SLC35D1: variants seen among roughly 807,000 people sequenced by gnomAD.
SLC35D1 encodes the protein nucleotide sugar transporter SLC35D1.
Under a neutral mutation model 46.7 loss-of-function variants are expected in SLC35D1, and 31 were observed. The observed-to-expected ratio is 0.66, with a 90% CI of 0.50 to 0.90. The LOEUF is 0.90. SLC35D1 is among the 40% of genes least tolerant of loss of function. The pLI is 0.00. For synonymous variants in SLC35D1, 195 were observed against 164.6 expected (o/e 1.18, Z -1.41); for missense variants, 397 against 426.2 (o/e 0.93, Z 0.60).
At chr1:67,014,176 C>T (rs1234319594) in intron 10 of SLC35D1, among the ~76,000 whole-genome samples, 8 of 152,058 alleles carry the variant, frequency 5.3e-5, no homozygotes, top group South Asian at 2.1e-4. Context: ...AAAATTAGTC[C>T]CCTTATAAAA....
chr1:66,985,008 T>C, the SLC35D1 span: 19 of 1,425,380 alleles, frequency 1.3e-5, no homozygotes, highest in Admixed American at 1.6e-4. Flanking sequence ...GTTTGAAAAT[T>C]TGAATTGAGT....
intron 7 of SLC35D1, among the ~76,000 whole-genome samples, chr1:67,046,107 G>C (rs988367900): frequency 2.6e-5 from 4 of 151,790 alleles, no homozygotes; most frequent in African/African-American, 4.8e-5. Context: ...AAATGGATTG[G>C]AAACAAATCA....
chr1:66,982,246 A>C, the SLC35D1 span, among the ~76,000 whole-genome samples: 1 of 152,216 alleles, frequency 6.6e-6, no homozygotes, highest in African/African-American at 2.4e-5. Context: ...CTCTTAGGTC[A>C]AAACCCTGCA....
the SLC35D1 span, among the ~76,000 whole-genome samples, chr1:66,994,016 C>A: frequency 1.8e-4 from 27 of 150,364 alleles, no homozygotes; most frequent in East Asian, 5.2e-3. Context: ...TACTGGCTTA[C>A]CTAAAATGCA....
chr1:67,049,949 A>C, intron 5 of SLC35D1, 99 bp from the exon 6 acceptor site: 11 of 861,680 alleles, frequency 1.3e-5, no homozygotes. Context: ...AAAAGCTATA[A>C]ACAATCGTAT....
the SLC35D1 span, among the ~76,000 whole-genome samples, chr1:66,976,313 A>T: frequency 6.6e-6 from 1 of 152,168 alleles, no homozygotes. Flanking sequence ...ACTTCCAAGC[A>T]TTTTTAATAC....
intron 5 of SLC35D1, 106 bp from the exon 6 acceptor site, chr1:67,049,956 G>A (rs1008736410): frequency 2.5e-5 from 21 of 827,238 alleles, no homozygotes; most frequent in Non-Finnish European, 3.2e-5. Flanking sequence ...ATAAACAATC[G>A]TATTTTAAAC....
chr1:67,050,642 T>C, intron 4 of SLC35D1, 138 bp from the exon 5 acceptor site: 1 of 722,824 alleles, frequency 1.4e-6, no homozygotes, highest in Non-Finnish European at 2.4e-6. Context: ...GTTAAACCCC[T>C]GCTTCTCTCT....
intron 7 of SLC35D1, among the ~76,000 whole-genome samples, chr1:67,046,184 G>T (rs957854192): frequency 1.3e-5 from 2 of 152,034 alleles, no homozygotes; most frequent in African/African-American, 4.8e-5. Context: ...TAAACTATCT[G>T]CAAAATAATG....
the SLC35D1 span, among the ~76,000 whole-genome samples, chr1:66,981,434 C>A: frequency 6.6e-6 from 1 of 152,074 alleles, no homozygotes; most frequent in Non-Finnish European, 1.5e-5. Context: ...TACAGAAATT[C>A]TTTTGTACTT....
chr1:67,053,187 C>T (rs368130789), intron 1 of SLC35D1, among the ~76,000 whole-genome samples, 198 bp from the exon 2 acceptor site: 1 of 152,074 alleles, frequency 6.6e-6, no homozygotes, highest in Non-Finnish European at 1.5e-5. Flanking sequence ...TAGCCTCGGG[C>T]GGCCGCTTGT....
At chr1:66,985,138 A>G in the SLC35D1 span, 4 of 1,102,984 alleles carry the variant, frequency 3.6e-6, no homozygotes, top group South Asian at 1.0e-4. Context: ...CTAAAGATAT[A>G]TCTCTACCTT....
chr1:67,020,394 G>GTT lies in SLC35D1; in HGVS notation c.850_851insAA (p.Thr284LysfsTer5). 1 of 1,608,886 alleles carries GTT rather than the reference G, an allele frequency of 6.2e-7. No individual in the cohort carries two copies. The highest frequency in any genetic ancestry group is 8.5e-7 in the Non-Finnish European group (1 of 1,175,352). ...CTTAATACAGCCAACTATTGTAGTT[G>GTT]TAAGAGCAGAATTATACTGCGTGCA... On this transcript the variant is annotated frameshift_variant, in exon 10 of 12. Coordinates refer to ENST00000235345, the MANE Select transcript of SLC35D1 (RefSeq NM_015139.3). LOFTEE classifies it high-confidence loss of function.
At chr1:67,015,082 C>T (rs539966411) in intron 10 of SLC35D1, among the ~76,000 whole-genome samples, 1 of 146,668 alleles carries the variant, frequency 6.8e-6, no homozygotes, top group South Asian at 2.1e-4. Flanking sequence ...ATAAACAATT[C>T]CATACGCAAA....
At chr1:66,982,565 A>G in the SLC35D1 span, among the ~76,000 whole-genome samples, 1 of 152,200 alleles carries the variant, frequency 6.6e-6, no homozygotes, top group East Asian at 1.9e-4. Context: ...TTCTTCTTTG[A>G]TTAAATGGTC....
rs1668083122 is a variant in SLC35D1, at chr1:67,034,483, T to C, written c.729+7753A>G. Reference sequence around the variant, plus strand: ...AAATGTAATTACTTTCTTGATTTCCTTTTCAAATCGTTTGCTATAGCCATA... The same window carrying C: ...AAATGTAATTACTTTCTTGATTTCCCTTTCAAATCGTTTGCTATAGCCATA... On this transcript the variant is annotated intron_variant, in intron 8 of 11. Transcript: ENST00000235345. Among the ~76,000 whole-genome samples the C allele has an allele frequency of 2.6e-5, 4 of 152,196 alleles. No individual in the cohort carries two copies. The South Asian group carries it at 8.3e-4, about 32-fold the overall frequency.
the SLC35D1 span, among the ~76,000 whole-genome samples, chr1:66,982,315 C>T: frequency 2.6e-5 from 4 of 150,978 alleles, no homozygotes; most frequent in African/African-American, 9.9e-5. Context: ...AACAAGTGCA[C>T]TGTTTTGAAT....
chr1:67,013,915 T>C (rs2755242), intron 10 of SLC35D1, among the ~76,000 whole-genome samples: 88,293 of 152,104 alleles, frequency 0.58, 27,814 homozygotes, highest in East Asian at 0.84. Context: ...AAGTACACTA[T>C]ACAAGCATTG....
chr1:66,997,755 A>C (rs1205677625), downstream of SLC35D1, among the ~76,000 whole-genome samples: 1 of 147,056 alleles, frequency 6.8e-6, no homozygotes, highest in Non-Finnish European at 1.5e-5. Context: ...TTAAATATAT[A>C]TATATCCTTA....
Sources: allele counts gnomAD v4.1 joint callset (sites outside exome capture counted in the v4.1 genomes callset), GRCh38; gene constraint gnomAD v4.1.1; transcripts MANE v1.5; gene names NCBI Gene and HGNC (gene_info 2026-07-23, HGNC 2026-07-21).